Variants in SYTL2 observed in about 807,000 individuals in gnomAD.
The protein encoded by SYTL2 is synaptotagmin like 2.
In SYTL2, 165 loss-of-function variants were observed where a neutral mutation model predicts 198.7. The observed-to-expected ratio is 0.83, with a 90% confidence interval of 0.73 to 0.94. The LOEUF is 0.94. SYTL2 is among the 40% of genes least tolerant of loss of function. The probability of loss-of-function intolerance (pLI) is 0.00; values close to 1 mark genes in which losing one functional copy is unlikely to be tolerated. For missense variants in SYTL2, 2,835 were observed against 2,582.8 expected (o/e 1.10, Z -2.12); for synonymous variants, 966 against 917.7 (o/e 1.05, Z -0.95).
intron 8 of SYTL2, 47 bp from the exon 9 acceptor site, chr11:85,721,006 A>G (rs1023420264): frequency 8.4e-7 from 1 of 1,195,550 alleles, no homozygotes. Context: ...CCAAAAAAAA[A>G]AAAAATCCTC....
intron 1 of SYTL2, among the ~76,000 whole-genome samples, chr11:85,782,730 C>G (rs2092581002): frequency 6.6e-6 from 1 of 152,208 alleles, no homozygotes; most frequent in Admixed American, 6.5e-5. Context: ...AATCATCTCT[C>G]TCAAGTTCAA....
At chr11:85,781,704 C>G (rs961805181) in intron 1 of SYTL2, among the ~76,000 whole-genome samples, 2 of 152,208 alleles carry the variant, frequency 1.3e-5, no homozygotes, top group Non-Finnish European at 2.9e-5. Flanking sequence ...AATGAAGGGG[C>G]AACAGGCCCC....
intron 1 of SYTL2, among the ~76,000 whole-genome samples, chr11:85,804,539 C>G (rs76547194): frequency 0.013 from 1,973 of 152,032 alleles, 54 homozygotes; most frequent in African/African-American, 0.045. Flanking sequence ...ATCATAGTAC[C>G]AAAAATAGTA....
intron 1 of SYTL2, among the ~76,000 whole-genome samples, chr11:85,760,311 G>A (rs1466252037): frequency 6.6e-6 from 1 of 152,152 alleles, no homozygotes; most frequent in African/African-American, 2.4e-5. Flanking sequence ...GTTGTTATAC[G>A]ATACTCCCGC....
the SYTL2 span, among the ~76,000 whole-genome samples, chr11:85,819,371 C>T: frequency 1.3e-5 from 2 of 152,172 alleles, no homozygotes; most frequent in Non-Finnish European, 2.9e-5. Flanking sequence ...TAATTTCTCA[C>T]GATTCTGTGG....
At chr11:85,823,817 A>T in the SYTL2 span, among the ~76,000 whole-genome samples, 1 of 152,230 alleles carries the variant, frequency 6.6e-6, no homozygotes, top group Non-Finnish European at 1.5e-5. Context: ...GCACTAGCTC[A>T]AATAACACTC....
At chr11:85,763,560 A>T (rs1243599830) in intron 1 of SYTL2, among the ~76,000 whole-genome samples, 3 of 152,194 alleles carry the variant, frequency 2.0e-5, no homozygotes, top group Non-Finnish European at 2.9e-5. Flanking sequence ...CACAGATAGC[A>T]TCTTCTGCTT....
chr11:85,709,525 G>GT (rs1399015655), intron 13 of SYTL2, 25 bp from the exon 14 acceptor site: 1 of 1,607,558 alleles, frequency 6.2e-7, no homozygotes, highest in East Asian at 2.2e-5. Context: ...AATACATAGT[G>GT]TTTGTCTCTA....
At chr11:85,718,529 C>A in intron 10 of SYTL2, 1 of 435,082 alleles carries the variant, frequency 2.3e-6, no homozygotes, top group Non-Finnish European at 4.1e-6. Context: ...CAAAGAAATA[C>A]AATTTTCTAT....
chr11:85,711,500 A>G (rs1319162938), intron 12 of SYTL2, among the ~76,000 whole-genome samples: 1 of 152,218 alleles, frequency 6.6e-6, no homozygotes, highest in East Asian at 1.9e-4. Context: ...AGTGCTGCAG[A>G]AGACAGCACT....
At chr11:85,782,174 T>C (rs1315182908) in intron 1 of SYTL2, among the ~76,000 whole-genome samples, 1 of 152,256 alleles carries the variant, frequency 6.6e-6, no homozygotes, top group African/African-American at 2.4e-5. Context: ...ACGTCAATTC[T>C]TGACTTCTGT....
chr11:85,752,329 A>G (rs1190459901), intron 2 of SYTL2, among the ~76,000 whole-genome samples: 1 of 152,202 alleles, frequency 6.6e-6, no homozygotes, highest in East Asian at 1.9e-4. Context: ...AGATAGTTAC[A>G]AATGACCTCA....
intron 1 of SYTL2, among the ~76,000 whole-genome samples, chr11:85,802,899 T>C (rs2092911125): frequency 6.6e-6 from 1 of 152,224 alleles, no homozygotes; most frequent in South Asian, 2.1e-4. Flanking sequence ...GCATTCATGT[T>C]TAAATTCAAG....
In SYTL2 at chr11:85,717,549, T is replaced by A. The variant is rs761533223; in HGVS notation, c.5483-19A>T. On this transcript the variant is annotated intron_variant, in intron 10 of 19. Coordinates refer to ENST00000359152, the MANE Select transcript of SYTL2 (RefSeq NM_206927.4). ...TTCTCATCTACTCAGGAGGGCAACA[T>A]TGAGAATAAATACCATTTTAACAGA... The A allele has an allele frequency of 1.0e-5, 16 of 1,604,144 alleles. No individual in the cohort carries two copies. The highest frequency in any genetic ancestry group is 1.4e-5 in the Non-Finnish European group (16 of 1,171,322).
chr11:85,727,477 G>A lies in SYTL2; in HGVS notation c.1881C>T (p.Gly627=). 3 of 1,536,076 alleles carry A rather than the reference G, an allele frequency of 2.0e-6. No homozygotes were observed. The highest frequency in any genetic ancestry group is 2.6e-6 in the Non-Finnish European group (3 of 1,146,884). Reference sequence around the variant, plus strand: ...TTTCAAATGGTTGCAATATACCTGGGCCTTCCTTTGGGGTGCCTTTTTGGG... The same window carrying A: ...TTTCAAATGGTTGCAATATACCTGGACCTTCCTTTGGGGTGCCTTTTTGGG... ...NLSQKGTPKE[G]PGILQPFESY... The change falls in exon 8 of 20, where the codon GGC becomes GGT. Residue 627 remains glycine (G), a synonymous_variant. Transcript: ENST00000359152.
chr11:85,791,195 A>AAAG (rs398016967), intron 1 of SYTL2, among the ~76,000 whole-genome samples: 2 of 139,196 alleles, frequency 1.4e-5, no homozygotes, highest in Admixed American at 7.4e-5. Context: ...AAAAAAAAAA[A>AAAG]CAACCTTAGT....
At chr11:85,704,759 A>G (rs776856520) in intron 16 of SYTL2, 99 bp downstream of exon 16, 18 of 898,564 alleles carry the variant, frequency 2.0e-5, no homozygotes, top group Non-Finnish European at 2.9e-5. Flanking sequence ...CTCCCAAACT[A>G]CAGATCTGTA....
At chr11:85,835,778 T>A in the SYTL2 span, among the ~76,000 whole-genome samples, 1 of 152,196 alleles carries the variant, frequency 6.6e-6, no homozygotes, top group Non-Finnish European at 1.5e-5. Flanking sequence ...TATGTAGACG[T>A]GTTTTCTCTT....
chr11:85,786,414 A>G (rs1186170200), intron 1 of SYTL2, among the ~76,000 whole-genome samples: 1 of 152,198 alleles, frequency 6.6e-6, no homozygotes, highest in Non-Finnish European at 1.5e-5. Context: ...ACATTAGTAA[A>G]CTGGAAAAAG....
Sources: allele counts gnomAD v4.1 joint callset (sites outside exome capture counted in the v4.1 genomes callset), GRCh38; gene constraint gnomAD v4.1.1; transcripts MANE v1.5; gene names NCBI Gene and HGNC (gene_info 2026-07-23, HGNC 2026-07-21).